Variants in TTC39C observed in about 807,000 individuals in gnomAD.
TTC39C encodes tetratricopeptide repeat domain 39C, also known as tetratricopeptide repeat protein 39C.
TTC39C carries 33 observed loss-of-function variants against 76.3 expected under a neutral mutation model. The ratio of observed to expected loss-of-function variants is 0.43; its 90% CI spans 0.33 to 0.58. The LOEUF (loss-of-function observed/expected upper bound fraction) is 0.58, where lower values mean the gene tolerates loss of function less well. Among genes scored for constraint, TTC39C ranks in the 20% least tolerant of loss-of-function variants. TTC39C has a pLI of 0.04. For missense variants in TTC39C, 595 were observed against 701.4 expected (o/e 0.85, Z 1.71); for synonymous variants, 254 against 260.6 (o/e 0.97, Z 0.24).
chr18:24,022,092 A>G (rs2083523813), intron 1 of TTC39C, among the ~76,000 whole-genome samples: 1 of 152,188 alleles, frequency 6.6e-6, no homozygotes, highest in Admixed American at 6.5e-5. Flanking sequence ...TGATAAATGT[A>G]AACACATAAT....
At chr18:24,103,261 T>G (rs570780908) in intron 6 of TTC39C, among the ~76,000 whole-genome samples, 2 of 152,324 alleles carry the variant, frequency 1.3e-5, no homozygotes, top group South Asian at 4.1e-4. Context: ...ATTCCAGAAA[T>G]ATATACTATT....
intron 8 of TTC39C, among the ~76,000 whole-genome samples, chr18:24,123,382 TTTTTTTG>T (rs1210435130): frequency 1.2e-5 from 1 of 86,122 alleles, no homozygotes. Flanking sequence ...GGAACAGTCT[TTTTTTTG>T]TTTGTTTGTT....
At chr18:23,993,156 C>T (rs184834553) in intron 1 of TTC39C, 9 of 152,262 alleles carry the variant, frequency 5.9e-5, no homozygotes, top group South Asian at 2.1e-4. Flanking sequence ...AAAATACTAA[C>T]GCAAATTGAA....
At chr18:24,057,561 A>G (rs1466594647) in intron 1 of TTC39C, among the ~76,000 whole-genome samples, 1 of 152,036 alleles carries the variant, frequency 6.6e-6, no homozygotes, top group East Asian at 1.9e-4. Context: ...GGACTCATCT[A>G]GGATATACTC....
At chr18:23,995,401 T>C (rs2145619975) in intron 1 of TTC39C, among the ~76,000 whole-genome samples, 1 of 151,674 alleles carries the variant, frequency 6.6e-6, no homozygotes, top group South Asian at 2.1e-4. Flanking sequence ...ATCCAGGAGG[T>C]GGAGGTTGCA....
At chr18:24,093,963 C>T (rs8086285) in intron 6 of TTC39C, among the ~76,000 whole-genome samples, 47,246 of 151,868 alleles carry the variant, frequency 0.31, 7,760 homozygotes, top group East Asian at 0.47. Context: ...TTTACCCCGC[C>T]GATTGACTCT....
At chr18:24,020,175 T>C in intron 1 of TTC39C, 1 of 1,177,970 alleles carries the variant, frequency 8.5e-7, no homozygotes, top group Non-Finnish European at 1.0e-6. Context: ...GAAACTCATC[T>C]GTTGACTTTT....
At chr18:24,095,487 T>C (rs1219270525) in intron 6 of TTC39C, among the ~76,000 whole-genome samples, 1 of 152,182 alleles carries the variant, frequency 6.6e-6, no homozygotes, top group Non-Finnish European at 1.5e-5. Flanking sequence ...TCACCTGAGA[T>C]CAGGAGTTCG....
rs749967385 is a variant in TTC39C at position 24,082,925 on chromosome 18, C to G, written c.828C>G (p.Leu276=). ...MKAPLATLAL[L]WYHTVVRPFF... ...CCTCTTCCTCTAGATTAGCTCTGCT[C>G]TGGTATCATACTGTAGTCCGCCCGT... Residue 276 remains leucine, a synonymous_variant, in exon 6 of 14, where the codon CTC becomes CTG. Transcript: ENST00000317571. 12 of 1,610,824 alleles carry G rather than the reference C, an allele frequency of 7.4e-6. No individual in the cohort carries two copies. The highest frequency in any genetic ancestry group is 9.3e-6 in the Non-Finnish European group (11 of 1,178,216).
At chr18:24,023,629 A>G (rs1330474517) in intron 1 of TTC39C, among the ~76,000 whole-genome samples, 1 of 151,916 alleles carries the variant, frequency 6.6e-6, no homozygotes, top group Non-Finnish European at 1.5e-5. Flanking sequence ...GGGTGGTGCT[A>G]TGATAATGCT....
At chr18:24,089,574 C>T (rs1246711524) in intron 6 of TTC39C, among the ~76,000 whole-genome samples, 1 of 152,020 alleles carries the variant, frequency 6.6e-6, no homozygotes. Flanking sequence ...GACCGTTTAC[C>T]GAAATGAGAA....
intron 1 of TTC39C, among the ~76,000 whole-genome samples, chr18:24,015,854 C>G (rs2083448956): frequency 6.6e-6 from 1 of 152,042 alleles, no homozygotes; most frequent in African/African-American, 2.4e-5. Context: ...GTGGAAGGAA[C>G]CTTCATTTCT....
At chr18:24,019,741 A>G (rs2083496375) in intron 1 of TTC39C, 2 of 775,656 alleles carry the variant, frequency 2.6e-6, no homozygotes, top group African/African-American at 1.8e-5. Flanking sequence ...AGACACAGCC[A>G]TGCTCATTTG....
chr18:24,019,813 C>A, intron 1 of TTC39C: 1 of 1,454,842 alleles, frequency 6.9e-7, no homozygotes, highest in East Asian at 2.5e-5. Flanking sequence ...TGTCAGAGAC[C>A]ATATGGCATG....
At chr18:24,035,458 G>T (rs1430814468) in intron 1 of TTC39C, among the ~76,000 whole-genome samples, 1 of 152,186 alleles carries the variant, frequency 6.6e-6, no homozygotes, top group Non-Finnish European at 1.5e-5. Context: ...CAGTTTTCTT[G>T]ATTTGTTCTG....
At chr18:24,025,693 C>T (rs1040651591) in intron 1 of TTC39C, among the ~76,000 whole-genome samples, 6 of 152,156 alleles carry the variant, frequency 3.9e-5, no homozygotes, top group Admixed American at 6.5e-5. Context: ...CACCCCAGAA[C>T]GGCCCAACAG....
chr18:24,113,587 G>C (rs2084846124), intron 6 of TTC39C: 1 of 702,236 alleles, frequency 1.4e-6, no homozygotes, highest in Non-Finnish European at 2.6e-6. Context: ...CCTGGCACCA[G>C]CAGAGCAAGA....
At chr18:24,033,942 C>G (rs535360367) in intron 1 of TTC39C, among the ~76,000 whole-genome samples, 1 of 151,998 alleles carries the variant, frequency 6.6e-6, no homozygotes, top group East Asian at 1.9e-4. Context: ...GAAAGTGCAG[C>G]AAAGAAAAAA....
chr18:24,132,803 TG>T lies in TTC39C; in HGVS notation c.*233del. Reference sequence around the variant, plus strand: ...ATGATGGTAATAATAACTAACCACCTGGGGAGAGGGTTAAGTGACCTTGCTC... The same window carrying T: ...ATGATGGTAATAATAACTAACCACCTGGGAGAGGGTTAAGTGACCTTGCTC... On this transcript the variant is annotated 3_prime_UTR_variant, in exon 14 of 14. Transcript: ENST00000317571. 1 of 414,888 alleles carries T rather than the reference TG, an allele frequency of 2.4e-6. No individual in the cohort carries two copies. The highest frequency in any genetic ancestry group is 4.2e-6 in the Non-Finnish European group (1 of 235,380). 25.7% of individuals were successfully genotyped at this position (414,888 alleles called of 1,614,324 possible). A position where few individuals can be genotyped will look rare whatever the true frequency, so the allele number is the denominator to read the frequency against.
Sources: gnomAD v4.1 joint callset for allele counts (sites outside exome capture counted in the v4.1 genomes callset) on GRCh38, gnomAD v4.1.1 for gene constraint, MANE v1.5 for transcripts, NCBI Gene and HGNC (gene_info 2026-07-23, HGNC 2026-07-21) for gene names.